Variants in TUB observed in about 807,000 individuals in gnomAD.
The protein encoded by TUB is tubby protein homolog.
A neutral mutation model predicts 59.7 loss-of-function variants in TUB; 33 were observed. The observed-to-expected ratio is 0.55, with a 90% CI of 0.42 to 0.74. TUB has a LOEUF of 0.74. Ranked by LOEUF, TUB falls within the 30% of genes least tolerant of loss-of-function variation. TUB has a pLI of 0.00. For synonymous variants in TUB, 293 were observed against 256.4 expected (o/e 1.14, Z -1.36); for missense variants, 659 against 672.0 (o/e 0.98, Z 0.21).
chr11:8,057,130 G>A (rs1943033091), intron 2 of TUB, among the ~76,000 whole-genome samples: 1 of 152,098 alleles, frequency 6.6e-6, no homozygotes, highest in Admixed American at 6.6e-5. Flanking sequence ...AGTAATGGAG[G>A]GTCCCATTCA....
chr11:8,064,849 G>A (rs1943206374), intron 2 of TUB, among the ~76,000 whole-genome samples: 1 of 152,226 alleles, frequency 6.6e-6, no homozygotes, highest in Admixed American at 6.5e-5. Flanking sequence ...ACTAGCATAG[G>A]ATTTGAAGTC....
chr11:8,021,311 AC>A (rs762215110), intron 1 of TUB, among the ~76,000 whole-genome samples: 3 of 152,064 alleles, frequency 2.0e-5, no homozygotes, highest in Non-Finnish European at 4.4e-5. Flanking sequence ...AATACAAAAA[AC>A]AAAAACCATT....
chr11:8,064,778 CAA>C (rs1215073397), intron 2 of TUB, among the ~76,000 whole-genome samples: 1 of 152,190 alleles, frequency 6.6e-6, no homozygotes, highest in Admixed American at 6.5e-5. Flanking sequence ...GATCTCAGAG[CAA>C]AGAGGCCAGA....
chr11:8,042,013 G>C (rs1363927351), intron 2 of TUB, among the ~76,000 whole-genome samples: 3 of 152,068 alleles, frequency 2.0e-5, no homozygotes, highest in African/African-American at 4.8e-5. Context: ...CATACAAGTT[G>C]CCTGTTTATA....
intron 6 of TUB, 86 bp from the exon 7 acceptor site, chr11:8,097,142 G>C (rs965051897): frequency 1.1e-5 from 16 of 1,480,448 alleles, no homozygotes; most frequent in Non-Finnish European, 1.3e-5. Flanking sequence ...CCACCGCCAC[G>C]TTAGGAGGCA....
chr11:8,040,990 C>G (rs1421367387), intron 2 of TUB, among the ~76,000 whole-genome samples: 2 of 152,216 alleles, frequency 1.3e-5, no homozygotes, highest in East Asian at 3.9e-4. Context: ...GAACGCAGGC[C>G]ACCTGCTCAG....
chr11:8,059,860 G>C (rs1309122087), intron 2 of TUB, among the ~76,000 whole-genome samples: 1 of 152,204 alleles, frequency 6.6e-6, no homozygotes, highest in Non-Finnish European at 1.5e-5. Context: ...CAGAACTGCA[G>C]TCAAGGAGAC....
intron 2 of TUB, among the ~76,000 whole-genome samples, chr11:8,056,026 T>A (rs1249191919): frequency 6.6e-6 from 1 of 152,020 alleles, no homozygotes. Flanking sequence ...TGTCCTTGTT[T>A]GGGTTGGGGG....
intron 2 of TUB, chr11:8,068,452 T>C (rs7114039): frequency 0.46 from 69,507 of 152,160 alleles, 16,271 homozygotes; most frequent in African/African-American, 0.53. Flanking sequence ...CCTGCAATTT[T>C]CCATTGTTTA....
At chr11:8,019,391 G>A (rs918065365) in intron 1 of TUB, 20 of 1,233,568 alleles carry the variant, frequency 1.6e-5, no homozygotes, top group Non-Finnish European at 1.9e-5. Context: ...CTGCGTGAGC[G>A]CCTGCTGACC....
chr11:8,072,985 C>T (rs1397602756), intron 2 of TUB, among the ~76,000 whole-genome samples: 1 of 152,212 alleles, frequency 6.6e-6, no homozygotes, highest in Non-Finnish European at 1.5e-5. Flanking sequence ...CTAAAAGGAG[C>T]CTTAGAGACA....
chr11:8,033,596 A>G (rs539263470), intron 1 of TUB, among the ~76,000 whole-genome samples: 2 of 151,208 alleles, frequency 1.3e-5, no homozygotes, highest in East Asian at 3.9e-4. Flanking sequence ...GCCTGCTTAT[A>G]CTCCTCCCCA....
At chr11:8,065,897 G>A (rs1943230238) in intron 2 of TUB, among the ~76,000 whole-genome samples, 1 of 152,224 alleles carries the variant, frequency 6.6e-6, no homozygotes, top group Admixed American at 6.5e-5. Flanking sequence ...GCACATAGTA[G>A]GAGGTCCACA....
exon 1 of TUB, chr11:8,019,297 G>T (rs968909472): frequency 7.9e-7 from 1 of 1,270,622 alleles, no homozygotes; most frequent in African/African-American, 1.5e-5. Flanking sequence ...GGAGCCGGAG[G>T]CGGCGATGGA....
chr11:8,023,249 G>A (rs1942456008), intron 1 of TUB, among the ~76,000 whole-genome samples: 1 of 152,196 alleles, frequency 6.6e-6, no homozygotes, highest in African/African-American at 2.4e-5. Flanking sequence ...CTGCTGCCTT[G>A]TATTAGTCAA....
In TUB at chr11:8,101,839, A is replaced by ATACGGC; in HGVS notation, c.*220_*221insTACGGC. The ATACGGC allele has an allele frequency of 2.1e-6, 1 of 478,110 alleles. No homozygotes were observed. The highest frequency in any genetic ancestry group is 7.7e-5 in the South Asian group (1 of 13,036). 29.6% of individuals were successfully genotyped at this position (478,110 alleles called of 1,614,324 possible). ...GCGGGTGGGTGGGTGTGAAGGGATGAGAATAATTCTTTCCATGCCACGAGA... is the reference window on the plus strand; with the variant it reads ...GCGGGTGGGTGGGTGTGAAGGGATGATACGGCGAATAATTCTTTCCATGCCACGAGA... On this transcript the variant is annotated 3_prime_UTR_variant, in exon 12 of 12. Coordinates refer to ENST00000299506, the MANE Select transcript of TUB (RefSeq NM_177972.3).
At chr11:8,054,749 C>A (rs1942990898) in intron 2 of TUB, among the ~76,000 whole-genome samples, 1 of 152,164 alleles carries the variant, frequency 6.6e-6, no homozygotes, top group Admixed American at 6.5e-5. Context: ...TGTACATGTT[C>A]CTGTGTGTAC....
intron 11 of TUB, 55 bp downstream of exon 11, chr11:8,101,052 C>T (rs574554449): frequency 2.5e-5 from 40 of 1,601,698 alleles, no homozygotes; most frequent in Admixed American, 1.0e-4. Flanking sequence ...AGGCCCTTAG[C>T]GTAGGGTTCA....
intron 1 of TUB, among the ~76,000 whole-genome samples, chr11:8,087,417 G>A (rs769354171): frequency 7.2e-5 from 11 of 152,356 alleles, no homozygotes; most frequent in Non-Finnish European, 1.6e-4. Context: ...CTGTGGAATG[G>A]CCCCTCCTGC....
Sources: gnomAD v4.1 joint callset for allele counts (sites outside exome capture counted in the v4.1 genomes callset) on GRCh38, gnomAD v4.1.1 for gene constraint, MANE v1.5 for transcripts, NCBI Gene and HGNC (gene_info 2026-07-23, HGNC 2026-07-21) for gene names.